TTC28: variants seen among roughly 807,000 people sequenced by gnomAD.
TTC28 encodes the protein tetratricopeptide repeat domain 28.
A neutral mutation model predicts 198.0 loss-of-function variants in TTC28; 61 were observed. That is an observed-to-expected ratio of 0.31 (90% CI 0.25 to 0.38). The LOEUF (loss-of-function observed/expected upper bound fraction) is 0.38. TTC28 is among the 10% of genes least tolerant of loss of function. The pLI is 1.00. For missense variants in TTC28, 2,678 were observed against 3,164.0 expected (o/e 0.85, Z 3.69); for synonymous variants, 1,171 against 1,297.8 (o/e 0.90, Z 2.10).
chr22:28,583,853 C>T (rs1336295156), intron 2 of TTC28, among the ~76,000 whole-genome samples: 1 of 151,974 alleles, frequency 6.6e-6, no homozygotes, highest in Non-Finnish European at 1.5e-5. Flanking sequence ...TTCTTTTAAA[C>T]CCAAAAAAGC....
At chr22:28,646,918 T>C (rs1481393952) in intron 1 of TTC28, among the ~76,000 whole-genome samples, 1 of 152,050 alleles carries the variant, frequency 6.6e-6, no homozygotes, top group African/African-American at 2.4e-5. Flanking sequence ...AGAACCCAAA[T>C]AGCCAAAGCA....
At chr22:28,578,969 G>C (rs2050190754) in intron 2 of TTC28, among the ~76,000 whole-genome samples, 1 of 151,932 alleles carries the variant, frequency 6.6e-6, no homozygotes, top group Admixed American at 6.6e-5. Context: ...AGGCAGTATA[G>C]GCCACAAGGG....
chr22:28,598,509 C>CAAA (rs36035176), intron 2 of TTC28, among the ~76,000 whole-genome samples: 5,048 of 52,644 alleles, frequency 0.096, 490 homozygotes, highest in African/African-American at 0.12. Context: ...ACTACGTCTC[C>CAAA]AAAAAAAAAA....
chr22:28,339,627 G>C (rs2045795194), intron 2 of TTC28, among the ~76,000 whole-genome samples: 1 of 152,186 alleles, frequency 6.6e-6, no homozygotes, highest in African/African-American at 2.4e-5. Context: ...CCGCCTTGCA[G>C]TTTGATCTCA....
intron 12 of TTC28, among the ~76,000 whole-genome samples, chr22:28,061,452 C>A (rs1245885092): frequency 6.6e-6 from 1 of 152,170 alleles, no homozygotes; most frequent in Non-Finnish European, 1.5e-5. Context: ...CCAGTTTTCC[C>A]AGCACCATTT....
chr22:28,086,105 G>A (rs1368816975), intron 12 of TTC28, among the ~76,000 whole-genome samples: 4 of 152,036 alleles, frequency 2.6e-5, no homozygotes, highest in Admixed American at 6.6e-5. Flanking sequence ...ACAGATCAAC[G>A]AGACAGAAAG....
chr22:28,437,305 A>C (rs113136047), intron 2 of TTC28, among the ~76,000 whole-genome samples: 3,027 of 151,972 alleles, frequency 0.02, 31 homozygotes, highest in Non-Finnish European at 0.027. Context: ...CTGGTCTCGA[A>C]CTCTTAGCCT....
intron 12 of TTC28, among the ~76,000 whole-genome samples, chr22:28,061,927 C>A (rs1267246857): frequency 6.6e-6 from 1 of 152,130 alleles, no homozygotes; most frequent in Non-Finnish European, 1.5e-5. Context: ...TTGAAGAGGT[C>A]CTTCACATCC....
chr22:28,506,209 G>A (rs763464030), intron 2 of TTC28, among the ~76,000 whole-genome samples: 4 of 151,972 alleles, frequency 2.6e-5, no homozygotes, highest in Non-Finnish European at 5.9e-5. Flanking sequence ...AGACTCGGCC[G>A]TTCCAGCCTG....
chr22:28,436,799 C>T (rs1354098450), intron 2 of TTC28, among the ~76,000 whole-genome samples: 1 of 152,212 alleles, frequency 6.6e-6, no homozygotes, highest in Non-Finnish European at 1.5e-5. Flanking sequence ...AGAGGCTGGA[C>T]TAGAATTCTC....
intron 2 of TTC28, among the ~76,000 whole-genome samples, chr22:28,576,926 AT>A (rs1344420602): frequency 6.6e-6 from 1 of 150,962 alleles, no homozygotes; most frequent in Non-Finnish European, 1.5e-5. Flanking sequence ...AAAACTTTTC[AT>A]TTTGTTGATC....
chr22:28,518,913 G>T (rs759278453), intron 2 of TTC28, among the ~76,000 whole-genome samples: 2 of 152,178 alleles, frequency 1.3e-5, no homozygotes, highest in African/African-American at 2.4e-5. Context: ...GTACATAGAA[G>T]ATTCTGTTTT....
chr22:28,087,201 A>G (rs886376026), intron 12 of TTC28, among the ~76,000 whole-genome samples: 7 of 152,268 alleles, frequency 4.6e-5, no homozygotes, highest in African/African-American at 1.7e-4. Context: ...GGGCAGAGAC[A>G]AAACAAAAAA....
chr22:28,459,479 A>G (rs2047915718), intron 2 of TTC28, among the ~76,000 whole-genome samples: 1 of 152,196 alleles, frequency 6.6e-6, no homozygotes, highest in Non-Finnish European at 1.5e-5. Context: ...AGGAAGGTGC[A>G]TAGAAGCAGG....
intron 10 of TTC28, among the ~76,000 whole-genome samples, chr22:28,098,573 G>T (rs1461320029): frequency 1.3e-5 from 2 of 150,584 alleles, no homozygotes; most frequent in Non-Finnish European, 3.0e-5. Context: ...TTTTTTAAGA[G>T]ACTTTATTTC....
At chr22:28,056,828 T>C (rs1410554324) in intron 12 of TTC28, among the ~76,000 whole-genome samples, 1 of 152,236 alleles carries the variant, frequency 6.6e-6, no homozygotes, top group Non-Finnish European at 1.5e-5. Flanking sequence ...GCAAATCGTC[T>C]GATTCTCTTC....
At chr22:28,384,241 T>G (rs189169046) in intron 2 of TTC28, among the ~76,000 whole-genome samples, 1 of 152,284 alleles carries the variant, frequency 6.6e-6, no homozygotes. Flanking sequence ...CATTTGTTTT[T>G]TTGTTTGTTA....
chr22:28,517,038 T>C (rs1489906482), intron 2 of TTC28, among the ~76,000 whole-genome samples: 1 of 152,208 alleles, frequency 6.6e-6, no homozygotes, highest in Non-Finnish European at 1.5e-5. Context: ...CAATACTCTC[T>C]TACCCAGGGT....
intron 12 of TTC28, among the ~76,000 whole-genome samples, chr22:28,087,749 A>G (rs572841418): frequency 6.6e-6 from 1 of 152,304 alleles, no homozygotes; most frequent in African/African-American, 2.4e-5. Context: ...ACATGATTGT[A>G]TATCTAGAAA....
Sources: allele counts gnomAD v4.1 joint callset (sites outside exome capture counted in the v4.1 genomes callset), GRCh38; gene constraint gnomAD v4.1.1; transcripts MANE v1.5; gene names NCBI Gene and HGNC (gene_info 2026-07-23, HGNC 2026-07-21).